CDR2: variants seen among roughly 807,000 people sequenced by gnomAD.
CDR2 encodes the protein cerebellar degeneration related protein 2.
CDR2 carries 34 observed loss-of-function variants against 48.4 expected under a neutral mutation model. The observed-to-expected ratio is 0.70, with a 90% CI of 0.53 to 0.94. The LOEUF (loss-of-function observed/expected upper bound fraction) is 0.94. CDR2 is among the 40% of genes least tolerant of loss of function. The pLI is 0.00. For synonymous variants in CDR2, 240 were observed against 219.7 expected, an observed-to-expected ratio of 1.09 and a Z score of -0.82; for missense variants, 498 against 549.5, an observed-to-expected ratio of 0.91 and a Z score of 0.94.
intron 1 of CDR2, among the ~76,000 whole-genome samples, chr16:22,365,955 T>C (rs1047441405): frequency 5.1e-4 from 78 of 152,196 alleles, no homozygotes; most frequent in African/African-American, 1.9e-3. Context: ...TAGTTAGTAT[T>C]CTTGTTTAGA....
intron 2 of CDR2, among the ~76,000 whole-genome samples, chr16:22,358,066 TAAAG>T (rs1188248527): frequency 3.3e-5 from 5 of 152,094 alleles, no homozygotes; most frequent in African/African-American, 1.2e-4. Flanking sequence ...GTCAGCAACT[TAAAG>T]AAAAATGATG....
chr16:22,349,615 C>A, intron 3 of CDR2, 86 bp downstream of exon 3: 1 of 1,474,524 alleles, frequency 6.8e-7, no homozygotes, highest in Non-Finnish European at 9.3e-7. Flanking sequence ...CCATATTGAC[C>A]CAAACCCACT....
chr16:22,348,239 C>G (rs1215145686), intron 4 of CDR2, among the ~76,000 whole-genome samples: 1 of 152,054 alleles, frequency 6.6e-6, no homozygotes, highest in East Asian at 1.9e-4. Flanking sequence ...ACCCGGCCAA[C>G]AGTGATTGGT....
At chr16:22,365,954 T>C (rs189361644) in intron 1 of CDR2, among the ~76,000 whole-genome samples, 1 of 152,308 alleles carries the variant, frequency 6.6e-6, no homozygotes, top group East Asian at 1.9e-4. Flanking sequence ...ATAGTTAGTA[T>C]TCTTGTTTAG....
At position 22,347,071 on chromosome 16, in the gene CDR2, G is replaced by A; in HGVS notation, c.1259C>T (p.Pro420Leu). The A allele has an allele frequency of 1.2e-6, 2 of 1,614,238 alleles. No homozygotes were observed. Among genetic ancestry groups the A allele is most frequent in the East Asian group, 2.2e-5 (1 of 44,888 alleles). The stretch of plus-strand genomic sequence containing the variant: ...CTCCTTAAACAACGCTTTGTATTCT[G>A]GAGGTGTTGTAGGGGAACTCACGGG... ...PEPVSSPTTP[P>L]EYKALFKEIF... The change falls in exon 5 of 5, where the codon CCA (proline) becomes CTA (leucine). Residue 420 changes from proline (P) to leucine (L), a missense_variant. Transcript: ENST00000268383.
At chr16:22,361,369 G>A (rs1458891700) in intron 2 of CDR2, among the ~76,000 whole-genome samples, 2 of 152,250 alleles carry the variant, frequency 1.3e-5, no homozygotes, top group Non-Finnish European at 2.9e-5. Context: ...CCCTTATAAA[G>A]TTTAGGGGGC....
chr16:22,369,901 G>C (rs1362284290), intron 1 of CDR2, among the ~76,000 whole-genome samples: 1 of 152,154 alleles, frequency 6.6e-6, no homozygotes, highest in Non-Finnish European at 1.5e-5. Context: ...ATCTCTACAG[G>C]ATTACAAAAT....
chr16:22,370,161 T>A (rs1241089563), intron 1 of CDR2, among the ~76,000 whole-genome samples: 1 of 152,228 alleles, frequency 6.6e-6, no homozygotes, highest in African/African-American at 2.4e-5. Flanking sequence ...CTGTAGTCTG[T>A]AGGAGTAATT....
At chr16:22,353,980 A>G (rs1425381856) in intron 2 of CDR2, among the ~76,000 whole-genome samples, 3 of 152,184 alleles carry the variant, frequency 2.0e-5, no homozygotes, top group Non-Finnish European at 4.4e-5. Flanking sequence ...ATATGTAGAG[A>G]GCTCAGCATG....
rs539945505 is a variant in CDR2, at chr16:22,360,405, G to A, written c.192+4497C>T. Among the ~76,000 whole-genome samples, 122 of 151,660 alleles carry A rather than the reference G, an allele frequency of 8.0e-4. 1 individual carries two copies. Among genetic ancestry groups the A allele is most frequent in the African/African-American group, 2.5e-3 (104 of 41,358 alleles). On this transcript the variant is annotated intron_variant, in intron 2 of 4. Transcript: ENST00000268383. ...ATAAAAGGAAATTTTTGTTTTTTTC[G>A]TTTTTACATTAAAAATGATGCCTAC...
chr16:22,368,462 G>A (rs1416381186), intron 1 of CDR2, among the ~76,000 whole-genome samples: 5 of 152,152 alleles, frequency 3.3e-5, no homozygotes, highest in Admixed American at 6.5e-5. Flanking sequence ...CGCCCACCGC[G>A]GCCTCCCCAA....
At chr16:22,372,692 TAAAG>T (rs2049086399) in intron 1 of CDR2, among the ~76,000 whole-genome samples, 1 of 152,174 alleles carries the variant, frequency 6.6e-6, no homozygotes, top group Admixed American at 6.5e-5. Flanking sequence ...CTCTTGGACA[TAAAG>T]AAGATGGTGC....
chr16:22,372,889 G>A (rs964913141), intron 1 of CDR2, among the ~76,000 whole-genome samples: 2 of 152,118 alleles, frequency 1.3e-5, no homozygotes, highest in Admixed American at 6.5e-5. Flanking sequence ...ATGTTCAGTG[G>A]TTAGCATGAA....
chr16:22,362,940 ACT>A (rs943040191), intron 2 of CDR2, among the ~76,000 whole-genome samples: 3 of 148,036 alleles, frequency 2.0e-5, no homozygotes, highest in African/African-American at 7.4e-5. Context: ...TTTCTGGCAA[ACT>A]CTACAGTAGG....
At chr16:22,349,975 G>T in intron 2 of CDR2, 126 bp from the exon 3 acceptor site, 2 of 804,674 alleles carry the variant, frequency 2.5e-6, no homozygotes, top group Non-Finnish European at 4.0e-6. Context: ...GATCACCTGA[G>T]GTTAGGAATT....
chr16:22,374,342 GCC>G lies in CDR2; in HGVS notation c.-35_-34del. On this transcript the variant is annotated 5_prime_UTR_variant, in exon 1 of 5. Transcript: ENST00000268383. ...GGGTCTTCTAGGGGCAGCGGCCCCC[GCC>G]GCCGTCCCGCCTCAGCCGCTGCCCC... The G allele has an allele frequency of 6.7e-7, 1 of 1,492,262 alleles. No homozygotes were observed. The highest frequency in any genetic ancestry group is 9.2e-7 in the Non-Finnish European group (1 of 1,087,316). 92.4% of individuals were successfully genotyped at this position (1,492,262 alleles called of 1,614,324 possible).
At chr16:22,359,955 T>C (rs1379480142) in intron 2 of CDR2, among the ~76,000 whole-genome samples, 1 of 152,250 alleles carries the variant, frequency 6.6e-6, no homozygotes, top group African/African-American at 2.4e-5. Flanking sequence ...AAGTATCATA[T>C]GCAGTAGAAT....
intron 1 of CDR2, among the ~76,000 whole-genome samples, chr16:22,367,619 CTTAA>C (rs1352940393): frequency 6.6e-6 from 1 of 152,140 alleles, no homozygotes; most frequent in Non-Finnish European, 1.5e-5. Flanking sequence ...GATTTTTAAA[CTTAA>C]TTTTTAGAGG....
chr16:22,357,328 C>A (rs1036279127), intron 2 of CDR2, among the ~76,000 whole-genome samples: 1 of 152,188 alleles, frequency 6.6e-6, no homozygotes, highest in Non-Finnish European at 1.5e-5. Flanking sequence ...GGATTACAGG[C>A]ATGAGCCACC....
Sources: allele counts gnomAD v4.1 joint callset (sites outside exome capture counted in the v4.1 genomes callset), GRCh38; gene constraint gnomAD v4.1.1; transcripts MANE v1.5; gene names NCBI Gene and HGNC (gene_info 2026-07-23, HGNC 2026-07-21).